Variants in SP140 observed in about 807,000 individuals in gnomAD.
SP140 encodes the protein nuclear body protein SP140.
In SP140, 81 loss-of-function variants were observed where a neutral mutation model predicts 125.0. The ratio of observed to expected loss-of-function variants is 0.65; its 90% CI spans 0.54 to 0.78. SP140 has a LOEUF of 0.78. Ranked by LOEUF, SP140 falls within the 30% of genes least tolerant of loss-of-function variation. The probability of loss-of-function intolerance (pLI) is 0.00; values close to 1 mark genes in which losing one functional copy is unlikely to be tolerated. For synonymous variants in SP140, 312 were observed against 354.0 expected (o/e 0.88, Z 1.33); for missense variants, 858 against 1,037.0 (o/e 0.83, Z 2.37).
chr2:230,205,932 C>T (rs1378594558), intron 1 of SP140, among the ~76,000 whole-genome samples: 1 of 152,136 alleles, frequency 6.6e-6, no homozygotes, highest in African/African-American at 2.4e-5. Flanking sequence ...TTACAATGAA[C>T]CAAGGAGGCC....
intron 15 of SP140, among the ~76,000 whole-genome samples, chr2:230,278,834 T>G (rs368303113): frequency 6.6e-6 from 1 of 152,026 alleles, no homozygotes; most frequent in East Asian, 1.9e-4. Flanking sequence ...AGCATAGTGA[T>G]GTAAGTCCTA....
chr2:230,296,283 A>ATT lies in SP140; in HGVS notation c.2017-1137_2017-1136dup, dbSNP rs1384965819. Among the ~76,000 whole-genome samples, 9 of 152,266 alleles carry ATT rather than the reference A, an allele frequency of 5.9e-5. No homozygotes were observed. In the East Asian group the frequency reaches 1.7e-3, roughly 29 times the overall value. On this transcript the variant is annotated intron_variant, in intron 21 of 26. Coordinates refer to ENST00000392045, the MANE Select transcript of SP140 (RefSeq NM_007237.5). ...TTAAATTTATTGTCAACATGGATGA[A>ATT]TTACAAATGGGGTGGGGTGGGAGAT...
intron 15 of SP140, among the ~76,000 whole-genome samples, chr2:230,275,850 A>G (rs1261080175): frequency 6.6e-6 from 1 of 152,166 alleles, no homozygotes; most frequent in Non-Finnish European, 1.5e-5. Flanking sequence ...TATCGCTGAT[A>G]TGGAGAAAGT....
In SP140 at chr2:230,249,408, T is replaced by G. The variant is rs12466328; in HGVS notation, c.976+440T>G. Among the ~76,000 whole-genome samples the G allele has an allele frequency of 5.6e-3, 859 of 152,210 alleles. 18 individuals are homozygous for G. The highest frequency in any genetic ancestry group is 0.054 in the East Asian group (281 of 5,176). ...CTGAGGAAAGTCATGCAGGAGACCC[T>G]TGGGATGGTGCTGACAAGGGAAGGA... On this transcript the variant is annotated intron_variant, in intron 9 of 26. Transcript: ENST00000392045.
At chr2:230,246,031 A>G in intron 7 of SP140, 91 bp downstream of exon 7, 1 of 735,916 alleles carries the variant, frequency 1.4e-6, no homozygotes. Context: ...CCATCTATTC[A>G]TGTATTCATC....
At chr2:230,212,007 CT>C (rs1404911514) in intron 1 of SP140, among the ~76,000 whole-genome samples, 2 of 152,166 alleles carry the variant, frequency 1.3e-5, no homozygotes, top group Non-Finnish European at 2.9e-5. Context: ...ATTTTATCAT[CT>C]TTTCTAGTAA....
chr2:230,234,331 C>T (rs559248342), intron 1 of SP140, among the ~76,000 whole-genome samples: 1 of 152,318 alleles, frequency 6.6e-6, no homozygotes, highest in Admixed American at 6.5e-5. Flanking sequence ...TGCCTCTGAG[C>T]TCTTCTGCCA....
intron 1 of SP140, among the ~76,000 whole-genome samples, chr2:230,206,306 T>C (rs2043793051): frequency 6.6e-6 from 1 of 152,024 alleles, no homozygotes; most frequent in African/African-American, 2.4e-5. Context: ...AGTGATTCTT[T>C]GTGACCAAAC....
intron 19 of SP140, 124 bp from the exon 20 acceptor site, chr2:230,292,522 C>A: frequency 7.7e-7 from 1 of 1,302,266 alleles, no homozygotes; most frequent in Non-Finnish European, 1.1e-6. Flanking sequence ...AGAGGGAAGG[C>A]CAGACTCTCC....
At chr2:230,280,829 A>G (rs1295912084) in intron 15 of SP140, among the ~76,000 whole-genome samples, 10 of 152,108 alleles carry the variant, frequency 6.6e-5, no homozygotes, top group Admixed American at 6.6e-4. Context: ...AATATTTTGT[A>G]TACTCACCAT....
intron 11 of SP140, among the ~76,000 whole-genome samples, chr2:230,255,229 G>A (rs1177036803): frequency 6.6e-6 from 1 of 152,142 alleles, no homozygotes; most frequent in Non-Finnish European, 1.5e-5. Flanking sequence ...AGGAGTCCAG[G>A]CAGCAAGTGA....
upstream of SP140, chr2:230,201,014 G>A (rs1277752566): frequency 2.8e-6 from 4 of 1,420,918 alleles, 1 homozygote; most frequent in South Asian, 3.4e-5. Flanking sequence ...ACACCATGGA[G>A]AATCTCCCAG....
chr2:230,200,442 G>A (rs79234480), upstream of SP140: 5,858 of 184,240 alleles, frequency 0.032, 157 homozygotes, highest in Non-Finnish European at 0.046. Context: ...TGAGTTTTTC[G>A]CTTCTCAATT....
chr2:230,211,365 T>C lies in SP140; in HGVS notation c.-322-2289T>C, dbSNP rs2044453636. ...GAACTGGAAGCTGGGCCAAGATTGC[T>C]GAGAGGCAGGAGGAGAGCCCCCTCT... On this transcript the variant is annotated intron_variant, in intron 1 of 4. Transcript: ENST00000456542. The surrounding 1 kb of genome is among the most constrained non-coding windows in gnomAD (Gnocchi z 4.2). 2 of 799,814 alleles carry C rather than the reference T, an allele frequency of 2.5e-6. No individual in the cohort carries two copies. The highest frequency in any genetic ancestry group is 4.4e-6 in the Non-Finnish European group (2 of 449,516). 49.5% of individuals were successfully genotyped at this position (799,814 alleles called of 1,614,324 possible).
the SP140 span, among the ~76,000 whole-genome samples, chr2:230,190,975 A>G: frequency 0.76 from 116,256 of 152,142 alleles, 44,550 homozygotes; most frequent in Admixed American, 0.83. Context: ...CGTATTGTTC[A>G]AAGTCAGGTA....
chr2:230,243,354 A>G (rs567460575), intron 4 of SP140, among the ~76,000 whole-genome samples: 94 of 152,340 alleles, frequency 6.2e-4, no homozygotes, highest in Admixed American at 6.1e-3. Context: ...GAGCAGTATC[A>G]GAGAAAGCAA....
At chr2:230,289,633 C>A (rs2056885928) in intron 18 of SP140, among the ~76,000 whole-genome samples, 1 of 152,196 alleles carries the variant, frequency 6.6e-6, no homozygotes, top group Non-Finnish European at 1.5e-5. Flanking sequence ...CACCACCATA[C>A]CTGGCTAATT....
upstream of SP140, chr2:230,221,877 T>C (rs1295440837): frequency 2.8e-6 from 2 of 705,886 alleles, no homozygotes; most frequent in Non-Finnish European, 4.8e-6. Flanking sequence ...AGGCAAAAAT[T>C]GTTACATGAA....
At chr2:230,248,632 A>G (rs550320657) in intron 8 of SP140, among the ~76,000 whole-genome samples, 16 of 152,340 alleles carry the variant, frequency 1.1e-4, no homozygotes, top group South Asian at 1.0e-3. Flanking sequence ...ACAGGAGACA[A>G]GAGAAGCCAG....
Sources: allele counts gnomAD v4.1 joint callset (sites outside exome capture counted in the v4.1 genomes callset), GRCh38; gene constraint gnomAD v4.1.1; non-coding constraint Gnocchi (gnomAD v3.1); transcripts MANE v1.5; gene names NCBI Gene and HGNC (gene_info 2026-07-23, HGNC 2026-07-21).